The following CACNA1F variants were observed in gnomAD, a reference collection of about 807,000 sequenced individuals.
CACNA1F encodes the protein voltage-dependent L-type calcium channel subunit alpha-1F.
Under a neutral mutation model 143.8 loss-of-function variants are expected in CACNA1F, and 59 were observed. The observed-to-expected ratio is 0.41, with a 90% CI of 0.33 to 0.51. The LOEUF (loss-of-function observed/expected upper bound fraction) is 0.51, where lower values mean the gene tolerates loss of function less well. Ranked by LOEUF, CACNA1F falls within the 20% of genes least tolerant of loss-of-function variation. The pLI is 0.22. For missense variants in CACNA1F, 1,411 were observed against 1,647.5 expected (o/e 0.86, Z 2.48); for synonymous variants, 643 against 649.1 (o/e 0.99, Z 0.14).
At chrX:49,215,055 G>A (rs2065696694) in intron 29 of CACNA1F, 31 bp downstream of exon 29, 1 of 1,184,869 alleles carries the variant, frequency 8.4e-7, no homozygotes, top group Non-Finnish European at 1.1e-6. Flanking sequence ...AGGGTCAGGA[G>A]TCTGGCGGGG....
In CACNA1F at chrX:49,228,110, G is replaced by A. The variant is rs782609341; in HGVS notation, c.1044C>T (p.Pro348=). The part of the protein sequence containing the change: ...WMQDAMGYEL[P]WVYFVSLVIF... ...TGACAAGGCTCACAAAGTACACCCA[G>A]GGCAGTTCATACCCCATGGCATCTT... is the stretch of plus-strand genomic sequence containing the variant. Residue 348 remains proline (P), a synonymous_variant, in exon 8 of 48, where the codon CCC becomes CCT. Coordinates refer to ENST00000323022, the MANE Select transcript of CACNA1F (RefSeq NM_001256789.3). 35 of 1,207,980 alleles carry A rather than the reference G, an allele frequency of 2.9e-5. No homozygotes were observed. The highest frequency in any genetic ancestry group is 3.9e-5 in the Non-Finnish European group (35 of 893,485).
chrX:49,212,318 T>G lies in CACNA1F; in HGVS notation c.3943-10A>C, dbSNP rs2147898289. 8.5e-7 allele frequency: 1 copy of G among 1,173,433 alleles called. No homozygotes were observed. Among genetic ancestry groups the G allele is most frequent in the Non-Finnish European group, 1.2e-6 (1 of 861,582 alleles). On this transcript the variant is annotated splice_polypyrimidine_tract_variant and intron_variant, in intron 33 of 47. Transcript: ENST00000323022. ...CCACATAGGGCAAGGCCTATAGGGA[T>G]GGGGGAGGGGGGCAGAGAATAGATG... is the stretch of plus-strand genomic sequence containing the variant.
rs781847250 is a variant in CACNA1F, at chrX:49,217,752, C to G, written c.3089+3G>C. On this transcript the variant is annotated splice_donor_region_variant and intron_variant, in intron 26 of 47. Coordinates refer to ENST00000323022, the MANE Select transcript of CACNA1F (RefSeq NM_001256789.3). ...CGTGGACGGCAGGGTCTTGGGCACT[C>G]ACTTGCATTCTTGAGGGGTGTGTTT... The G allele has an allele frequency of 1.1e-5, 13 of 1,204,705 alleles. No individual in the cohort carries two copies. The African/African-American group carries it at 2.3e-4, about 21-fold the overall frequency.
chrX:49,212,777 G>C lies in CACNA1F; in HGVS notation c.3832C>G (p.Arg1278Gly). The change falls in exon 33 of 48, where the codon CGC becomes GGC. Residue 1278 changes from arginine (R) to glycine (G), a missense_variant. Coordinates refer to ENST00000323022, the MANE Select transcript of CACNA1F (RefSeq NM_001256789.3). ...AGGCGAAAGAAGGTAATGGAAATGC[G>C]GGAGCTGTCCTCAGAGCTCTGGGGT... ...HLGESSEDSS[R>G]ISITFFRLFR... The C allele has an allele frequency of 4.1e-6, 5 of 1,210,362 alleles. No homozygotes were observed. Among genetic ancestry groups the C allele is most frequent in the Non-Finnish European group, 5.6e-6 (5 of 894,708 alleles).
intron 40 of CACNA1F, 69 bp downstream of exon 40, chrX:49,209,872 T>C: frequency 8.8e-7 from 1 of 1,141,377 alleles, no homozygotes. Context: ...CCAGCGCTGG[T>C]TTTGTGGTGG....
chrX:49,218,862 A>T lies in CACNA1F; in HGVS notation c.2733+20T>A. The T allele has an allele frequency of 8.5e-7, 1 of 1,181,377 alleles. No individual in the cohort carries two copies. Among genetic ancestry groups the T allele is most frequent in the African/African-American group, 1.8e-5 (1 of 56,875 alleles). On this transcript the variant is annotated intron_variant, in intron 22 of 47. Transcript: ENST00000323022. ...GAGTGCCAGGGCAACTGAGGGTAGGACTGGGGTCCCATTAGTCACCTTTAG... is the reference window on the plus strand; with the variant it reads ...GAGTGCCAGGGCAACTGAGGGTAGGTCTGGGGTCCCATTAGTCACCTTTAG...
chrX:49,222,703 A>C lies in CACNA1F; in HGVS notation c.2206+15T>G. On this transcript the variant is annotated intron_variant, in intron 16 of 47. Transcript: ENST00000323022. ...GACTCCACCATCATCCAGCCCCACA[A>C]AGCTCCAAGGATACAGTTGCCACAG... is the stretch of plus-strand genomic sequence containing the variant. 1.7e-6 allele frequency: 2 copies of C among 1,211,538 alleles called. No homozygotes were observed. The highest frequency in any genetic ancestry group is 2.2e-6 in the Non-Finnish European group (2 of 895,330).
intron 42 of CACNA1F, 139 bp from the exon 43 acceptor site, chrX:49,208,823 G>A (rs912285898): frequency 4.9e-5 from 26 of 526,974 alleles, no homozygotes; most frequent in African/African-American, 1.6e-4. Context: ...AAATAAATAC[G>A]TAAATAAATA....
intron 36 of CACNA1F, 61 bp from the exon 37 acceptor site, chrX:49,211,153 G>A (rs370732792): frequency 3.0e-5 from 35 of 1,161,712 alleles, no homozygotes; most frequent in Middle Eastern, 5.0e-4. Context: ...ATGGACGGAT[G>A]GTGGGAGGCT....
rs2065601863 is a variant in CACNA1F at position 49,206,814 on chromosome X, G to A, written c.5273C>T (p.Ser1758Leu). The change falls in exon 45 of 48, where the codon TCA becomes TTA. Residue 1758 changes from serine to leucine, a missense_variant. Around this residue, in one of 3 missense-constraint regions of CACNA1F, gnomAD observed 349 missense variants for 350.2 expected, o/e 1.00. Coordinates refer to ENST00000323022, the MANE Select transcript of CACNA1F (RefSeq NM_001256789.3). ...LDEQAGTPPCSVLLPPHRAQR... is the reference protein window; with the variant it reads ...LDEQAGTPPCLVLLPPHRAQR... ...AGCTCTGTGAGGTGGCAAAAGGACT[G>A]AGCACGGGGGAGTCCCTGCCTGCTC... 1.7e-6 allele frequency: 2 copies of A among 1,206,230 alleles called. No homozygotes were observed. The highest frequency in any genetic ancestry group is 2.2e-6 in the Non-Finnish European group (2 of 892,043).
chrX:49,205,333 C>G lies in CACNA1F; in HGVS notation c.5705G>C (p.Arg1902Pro). ...GGCCAGGGCCACGAAACGTGGGTCT[C>G]GAGCAAAGAGGCCCAGACCCTCTGA... Reference protein sequence around the residue: ...LISEGLGLFARDPRFVALAKQ... With the variant: ...LISEGLGLFAPDPRFVALAKQ... Residue 1902 changes from arginine (R) to proline (P), a missense_variant, in exon 48 of 48, where the codon CGA becomes CCA. This residue lies in a region of CACNA1F where 349 missense variants were observed against 350.2 expected (regional missense o/e 1.00). Transcript: ENST00000323022. 1.7e-6 allele frequency: 2 copies of G among 1,207,477 alleles called. No individual in the cohort carries two copies.
intron 39 of CACNA1F, 69 bp from the exon 40 acceptor site, chrX:49,210,111 G>T: frequency 1.2e-6 from 1 of 816,871 alleles, no homozygotes; most frequent in Non-Finnish European, 1.9e-6. Flanking sequence ...CTCACTGTTG[G>T]GTGGGGGGAA....
intron 42 of CACNA1F, 112 bp from the exon 43 acceptor site, chrX:49,208,796 A>C (rs2065625662): frequency 3.4e-6 from 2 of 591,847 alleles, no homozygotes; most frequent in East Asian, 6.6e-5. Flanking sequence ...CTCCAACAGC[A>C]ATGGTAAATG....
In CACNA1F at chrX:49,228,100, A is replaced by G. The variant is rs782478378; in HGVS notation, c.1054T>C (p.Phe352Leu). Residue 352 changes from phenylalanine to leucine, a missense_variant, in exon 8 of 48, where the codon TTT becomes CTT. This residue lies in a region of CACNA1F where 950 missense variants were observed against 1,128.1 expected (regional missense o/e 0.84). Coordinates refer to ENST00000323022, the MANE Select transcript of CACNA1F (RefSeq NM_001256789.3). The part of the protein sequence containing the change: ...AMGYELPWVY[F>L]VSLVIFGSFF... ...GACCCAAAGATGACAAGGCTCACAA[A>G]GTACACCCAGGGCAGTTCATACCCC... is the stretch of plus-strand genomic sequence containing the variant. The G allele has an allele frequency of 8.3e-7, 1 of 1,210,782 alleles. No homozygotes were observed. The highest frequency in any genetic ancestry group is 1.1e-6 in the Non-Finnish European group (1 of 894,632).
chrX:49,226,420 A>G lies in CACNA1F; in HGVS notation c.1452T>C (p.Cys484=). ...EDEEEGALAS[C]TRCLNKIMKT... ...CTGGGGGCCCTCACAGGCAGCGTGT[A>G]CAGCTGGCCAGAGCCCCCTCCTCCT... Residue 484 remains cysteine, a synonymous_variant, in exon 11 of 48, where the codon TGT becomes TGC. Transcript: ENST00000323022. 8.4e-7 allele frequency: 1 copy of G among 1,184,273 alleles called. No homozygotes were observed. Among genetic ancestry groups the G allele is most frequent in the Non-Finnish European group, 1.1e-6 (1 of 881,093 alleles).
chrX:49,209,310 C>T lies in CACNA1F; in HGVS notation c.4905G>A (p.Gly1635=). 1 of 1,200,985 alleles carries T rather than the reference C, an allele frequency of 8.3e-7. No individual in the cohort carries two copies. The highest frequency in any genetic ancestry group is 1.1e-6 in the Non-Finnish European group (1 of 886,627). The change falls in exon 42 of 48, where the codon GGG becomes GGA. Residue 1635 remains glycine (G), a synonymous_variant. Coordinates refer to ENST00000323022, the MANE Select transcript of CACNA1F (RefSeq NM_001256789.3). The part of the protein sequence containing the change: ...TCDTEEEEEE[G]QEGVEEEDEK... ...CATCTTCCTCCTCCACTCCCTCCTG[C>T]CCCTCTTCTTCCTCCTCCTCTGTGT... is the stretch of plus-strand genomic sequence containing the variant.
chrX:49,226,436 CCCT>C lies in CACNA1F; in HGVS notation c.1433_1435del (p.Glu478del), dbSNP rs782326804. 5.8e-5 allele frequency: 69 copies of C among 1,186,777 alleles called. No homozygotes were observed. The highest frequency in any genetic ancestry group is 7.6e-5 in the Non-Finnish European group (67 of 883,166). ...GCAGCGTGTACAGCTGGCCAGAGCC[CCCT>C]CCTCCTCATCCTCATCGCCTTGGGT... is the stretch of plus-strand genomic sequence containing the variant. On this transcript the variant is annotated inframe_deletion, in exon 11 of 48. Transcript: ENST00000323022.
chrX:49,218,144 T>A (rs1484050603), intron 24 of CACNA1F, 139 bp from the exon 25 acceptor site: 12 of 497,817 alleles, frequency 2.4e-5, no homozygotes, highest in Middle Eastern at 3.7e-4. Context: ...GTTAGCAACA[T>A]GTGTTCAAGA....
At chrX:49,232,496 C>A (rs1327492938) in intron 1 of CACNA1F, among the ~76,000 whole-genome samples, 20 of 111,771 alleles carry the variant, frequency 1.8e-4, no homozygotes, top group Admixed American at 8.5e-4. Flanking sequence ...AGTTTAAATC[C>A]TGACTTTACC....
Sources: allele counts gnomAD v4.1 joint callset (sites outside exome capture counted in the v4.1 genomes callset), GRCh38; gene constraint gnomAD v4.1.1; regional missense constraint gnomAD v4.1.1; transcripts MANE v1.5; gene names NCBI Gene and HGNC (gene_info 2026-07-23, HGNC 2026-07-21).